PSG5: variants seen among roughly 807,000 people sequenced by gnomAD.
The protein encoded by PSG5 is pregnancy specific beta-1-glycoprotein 5, also known as pregnancy-specific beta-1-glycoprotein 5.
Under a neutral mutation model 37.7 loss-of-function variants are expected in PSG5, and 53 were observed. That is an observed-to-expected ratio of 1.41 (90% CI 1.13 to 1.77). PSG5 has a LOEUF of 1.77. PSG5 is among the 40% of genes most tolerant of loss of function. The pLI is 0.00. For missense variants in PSG5, 547 were observed against 405.2 expected, an observed-to-expected ratio of 1.35 and a Z score of -3.00; for synonymous variants, 221 against 155.4, an observed-to-expected ratio of 1.42 and a Z score of -3.14.
intron 5 of PSG5, among the ~76,000 whole-genome samples, chr19:43,169,624 G>C (rs1968861292): frequency 6.6e-6 from 1 of 151,612 alleles, no homozygotes. Context: ...GCAGATTCTT[G>C]ATTAAGTGAA....
intron 4 of PSG5, chr19:43,170,973 G>A (rs1968893520): frequency 6.6e-6 from 1 of 150,386 alleles, no homozygotes. Flanking sequence ...AGTGTTTTAT[G>A]TGTTACCTCT....
rs1968980512 is a variant in PSG5, at chr19:43,175,247, TC to T, written c.931del (p.Glu311LysfsTer6). On this transcript the variant is annotated frameshift_variant, in exon 4 of 6. Transcript: ENST00000342951. LOFTEE classifies it high-confidence loss of function. ...TTCGACTGTCATGGATTTGGAGCTTTCCTTGCCAGTAGCTGAGTTACGAACA... is the reference window on the plus strand; with the variant it reads ...TTCGACTGTCATGGATTTGGAGCTTTCTTGCCAGTAGCTGAGTTACGAACA... ...CSVRNSATGK[E>X]SSKSMTVEVS... The T allele has an allele frequency of 6.2e-7, 1 of 1,612,652 alleles. No individual in the cohort carries two copies. Among genetic ancestry groups the T allele is most frequent in the African/African-American group, 1.3e-5 (1 of 74,580 alleles).
At chr19:43,183,029 G>A (rs1250612742) in intron 2 of PSG5, among the ~76,000 whole-genome samples, 2 of 150,666 alleles carry the variant, frequency 1.3e-5, no homozygotes, top group East Asian at 3.9e-4. Context: ...GAAGGCCTAG[G>A]GGTGGGGGAA....
In PSG5 at chr19:43,186,227, C is replaced by T. The variant is rs942726307; in HGVS notation, c.64+115G>A. On this transcript the variant is annotated intron_variant, in intron 1 of 5. Coordinates refer to ENST00000342951, the MANE Select transcript of PSG5 (RefSeq NM_002781.4). ...TCCTGATCTCATAATCCACCCACCT[C>T]ATCCTCCCAAAGTGCTGGCTTCTTT... The T allele has an allele frequency of 9.7e-6, 15 of 1,541,236 alleles. No individual in the cohort carries two copies. The African/African-American group carries it at 1.5e-4, about 16-fold the overall frequency.
At chr19:43,182,768 G>A (rs1210599875) in intron 2 of PSG5, among the ~76,000 whole-genome samples, 2 of 141,778 alleles carry the variant, frequency 1.4e-5, no homozygotes, top group African/African-American at 2.7e-5. Flanking sequence ...TGAATGGATG[G>A]AGGAACTGCC....
At chr19:43,177,766 G>T (rs573084241) in intron 2 of PSG5, among the ~76,000 whole-genome samples, 6 of 151,552 alleles carry the variant, frequency 4.0e-5, no homozygotes, top group Admixed American at 1.3e-4. Context: ...AATGTTACTG[G>T]GATTCTGGTA....
chr19:43,171,919 C>T (rs904854528), intron 4 of PSG5, among the ~76,000 whole-genome samples: 1 of 148,864 alleles, frequency 6.7e-6, no homozygotes, highest in Non-Finnish European at 1.5e-5. Context: ...CTGCAGTGAG[C>T]CATAATCACA....
chr19:43,171,117 T>C (rs1194404415), intron 4 of PSG5: 1 of 151,542 alleles, frequency 6.6e-6, no homozygotes. Flanking sequence ...ATTTCCACTT[T>C]GCTGATGAAA....
chr19:43,171,968 G>T (rs1217571403), intron 4 of PSG5, among the ~76,000 whole-genome samples: 1 of 134,160 alleles, frequency 7.5e-6, no homozygotes, highest in East Asian at 2.2e-4. Flanking sequence ...CATAGTGAGA[G>T]CCCGTCCCTC....
intron 4 of PSG5, among the ~76,000 whole-genome samples, chr19:43,172,614 A>C (rs1968928612): frequency 1.3e-5 from 2 of 151,838 alleles, no homozygotes; most frequent in East Asian, 3.9e-4. Context: ...AAATTAAGAA[A>C]AATAATTTCA....
intron 4 of PSG5, 135 bp from the exon 5 acceptor site, chr19:43,170,273 G>A: frequency 1.1e-6 from 1 of 896,256 alleles, no homozygotes; most frequent in Non-Finnish European, 1.6e-6. Flanking sequence ...TTGGGAAATT[G>A]ATGGGAGATG....
intron 4 of PSG5, chr19:43,174,816 T>C: frequency 8.5e-7 from 1 of 1,172,712 alleles, no homozygotes; most frequent in Non-Finnish European, 1.1e-6. Context: ...TGTGAGCTTG[T>C]TTCAGAGCCT....
At position 43,184,762 on chromosome 19, in the gene PSG5, G is replaced by T. The variant is rs1483342344; in HGVS notation, c.430+20C>A. 25 of 1,611,690 alleles carry T rather than the reference G, an allele frequency of 1.6e-5. 1 individual carries two copies. The highest frequency in any genetic ancestry group is 2.2e-5 in the South Asian group (2 of 91,004). On this transcript the variant is annotated intron_variant, in intron 2 of 5. Coordinates refer to ENST00000342951, the MANE Select transcript of PSG5 (RefSeq NM_002781.4). Reference sequence around the variant, plus strand: ...TGACCCCTGTCCCCCAACACCCAGGGATCATGTGGAATCACTCACGGTATA... The same window carrying T: ...TGACCCCTGTCCCCCAACACCCAGGTATCATGTGGAATCACTCACGGTATA...
chr19:43,184,692 C>G, intron 2 of PSG5, 90 bp downstream of exon 2: 1 of 1,592,042 alleles, frequency 6.3e-7, no homozygotes, highest in Non-Finnish European at 8.6e-7. Context: ...GAGAGGGACA[C>G]AGGCACAGTG....
rs568097742 is a variant in PSG5 at position 43,178,073 on chromosome 19, A to C, written c.431-1925T>G. Among the ~76,000 whole-genome samples the C allele has an allele frequency of 2.6e-5, 4 of 151,730 alleles. No homozygotes were observed. The South Asian group carries it at 8.3e-4, about 31-fold the overall frequency. ...ATGATCTAGAAAGAGTGAAGGGGAA[A>C]GGCAAAAGCTGGTGGTTTTGGAGCA... On this transcript the variant is annotated intron_variant, in intron 2 of 5. Transcript: ENST00000342951.
At chr19:43,179,326 A>T (rs146507490) in intron 2 of PSG5, among the ~76,000 whole-genome samples, 9 of 151,440 alleles carry the variant, frequency 5.9e-5, no homozygotes, top group African/African-American at 1.7e-4. Flanking sequence ...GAGAGCTCAG[A>T]GATTGTGAGG....
chr19:43,172,495 G>A (rs541734881), intron 4 of PSG5, among the ~76,000 whole-genome samples: 2 of 151,686 alleles, frequency 1.3e-5, no homozygotes, highest in Non-Finnish European at 2.9e-5. Context: ...AATCCTAAAG[G>A]TGGAACAAAC....
At chr19:43,171,199 G>C (rs1968898662) in intron 4 of PSG5, 1 of 151,700 alleles carries the variant, frequency 6.6e-6, no homozygotes, top group South Asian at 2.1e-4. Context: ...TCTGAAATTT[G>C]ATTCTAGGAC....
rs1429706945 is a variant in PSG5, at chr19:43,184,796, G to A, written c.416C>T (p.Thr139Ile). The A allele has an allele frequency of 6.2e-7, 1 of 1,612,174 alleles. No homozygotes were observed. Among genetic ancestry groups the A allele is most frequent in the Admixed American group, 1.7e-5 (1 of 59,836 alleles). The change falls in exon 2 of 6, where the codon ACC becomes ATC. Residue 139 changes from threonine to isoleucine, a missense_variant. Transcript: ENST00000342951. ...GAATCACTCACGGTATAAGTTGAAG[G>A]TGAAATATCCAGTTACTCCTCTAGT... ...DRTRGVTGYF[T>I]FNLYLKLPKP...
Sources: gnomAD v4.1 joint callset for allele counts (sites outside exome capture counted in the v4.1 genomes callset) on GRCh38, gnomAD v4.1.1 for gene constraint, MANE v1.5 for transcripts, NCBI Gene and HGNC (gene_info 2026-07-23, HGNC 2026-07-21) for gene names.